The following ZNF30 variants were observed in gnomAD, a reference collection of about 807,000 sequenced individuals.
The protein encoded by ZNF30 is zinc finger protein 30 (KOX 28).
ZNF30 carries 15 observed loss-of-function variants against 13.2 expected under a neutral mutation model. That is an observed-to-expected ratio of 1.13 (90% CI 0.76 to 1.75). The LOEUF is 1.75. Ranked by LOEUF, ZNF30 falls within the 40% of genes most tolerant of loss-of-function variation. The probability of loss-of-function intolerance (pLI) is 0.00; values close to 1 mark genes in which losing one functional copy is unlikely to be tolerated. For missense variants in ZNF30, 726 were observed against 757.0 expected (o/e 0.96, Z 0.48); for synonymous variants, 223 against 256.6 (o/e 0.87, Z 1.25).
At chr19:34,933,807 T>G in intron 4 of ZNF30, 84 bp downstream of exon 4, 1 of 970,982 alleles carries the variant, frequency 1.0e-6, no homozygotes, top group South Asian at 1.4e-5. Context: ...TCTGCAATGT[T>G]TGGAGGTTTC....
At chr19:34,938,771 T>C (rs927115295) in intron 4 of ZNF30, among the ~76,000 whole-genome samples, 1 of 152,102 alleles carries the variant, frequency 6.6e-6, no homozygotes, top group South Asian at 2.1e-4. Context: ...GTTTGGAAAA[T>C]GCCATAGCAG....
chr19:34,931,750 C>A, intron 2 of ZNF30, 93 bp from the exon 3 acceptor site: 1 of 1,289,986 alleles, frequency 7.8e-7, no homozygotes, highest in East Asian at 2.5e-5. Flanking sequence ...AGCTTCCAGC[C>A]TATGTGATTG....
At chr19:34,928,252 T>TATATATATATATATAGATAG (rs1325117057) in intron 1 of ZNF30, among the ~76,000 whole-genome samples, 4 of 56,574 alleles carry the variant, frequency 7.1e-5, no homozygotes, top group Non-Finnish European at 1.2e-4. Flanking sequence ...TATATATATA[T>TATATATATATATATAGATAG]ATAGATAGAT....
intron 4 of ZNF30, among the ~76,000 whole-genome samples, chr19:34,940,667 C>CAAAAAAAAA (rs59553578): frequency 3.1e-5 from 2 of 63,940 alleles, no homozygotes; most frequent in Non-Finnish European, 3.3e-5. Context: ...GACTCCGTCT[C>CAAAAAAAAA]AAAAAAAAAA....
At chr19:34,934,921 A>G (rs1008291694) in intron 4 of ZNF30, among the ~76,000 whole-genome samples, 16 of 152,140 alleles carry the variant, frequency 1.1e-4, no homozygotes, top group Admixed American at 2.6e-4. Flanking sequence ...CCCAGAACTT[A>G]AAGTAAAATA....
Position 34,943,942 on chromosome 19 carries a change from A to G in ZNF30, c.976A>G (p.Thr326Ala). Residue 326 changes from threonine (T) to alanine (A), a missense_variant, in exon 5 of 5, where the codon ACT (threonine) becomes GCT (alanine). Transcript: ENST00000601142. ...ATGTAAGGAGTGTGGGAAGTCCTTCACTGTGTATGGACAGCTTACTCGACA... is the reference window on the plus strand; with the variant it reads ...ATGTAAGGAGTGTGGGAAGTCCTTCGCTGTGTATGGACAGCTTACTCGACA... ...YECKECGKSF[T>A]VYGQLTRHQS... 6.2e-7 allele frequency: 1 copy of G among 1,614,090 alleles called. No homozygotes were observed. Among genetic ancestry groups the G allele is most frequent in the Non-Finnish European group, 8.5e-7 (1 of 1,179,990 alleles).
In ZNF30 at chr19:34,944,290, C is replaced by G. The variant is rs1323406733; in HGVS notation, c.1324C>G (p.Gln442Glu). 6.2e-7 allele frequency: 1 copy of G among 1,613,246 alleles called. No individual in the cohort carries two copies. Among genetic ancestry groups the G allele is most frequent in the Non-Finnish European group, 8.5e-7 (1 of 1,179,856 alleles). The change falls in exon 5 of 5, where the codon CAG (glutamine) becomes GAG (glutamate). Residue 442 changes from glutamine (Q) to glutamate (E), a missense_variant. Coordinates refer to ENST00000601142, the MANE Select transcript of ZNF30 (RefSeq NM_194325.3). ...ECGKAFISRH[Q>E]LTVHQRVHTG... is the part of the protein sequence containing the mutation. ...TGGCAAAGCCTTTATTAGTCGCCAT[C>G]AGCTTACCGTACATCAAAGGGTTCA...
At chr19:34,935,700 G>GTTTTTTTTTTTTTTTT (rs142285130) in intron 4 of ZNF30, among the ~76,000 whole-genome samples, 2 of 84,218 alleles carry the variant, frequency 2.4e-5, no homozygotes, top group East Asian at 3.7e-4. Context: ...GTTGTCTATA[G>GTTTTTTTTTTTTTTTT]TTTTTTTTTT....
At position 34,930,002 on chromosome 19, in the gene ZNF30, T is replaced by C. The variant is rs374392687; in HGVS notation, c.9+46T>C. 2.2e-5 allele frequency: 35 copies of C among 1,576,220 alleles called. No individual in the cohort carries two copies. In the African/African-American group the frequency reaches 4.4e-4, roughly 20 times the overall value. On this transcript the variant is annotated intron_variant, in intron 2 of 4. Transcript: ENST00000601142. ...GAAATATGGGGATTTTTATATTACG[T>C]GGCTATTTTCCTTAATTGACCTGAA...
chr19:34,926,366 A>C (rs1261771037), upstream of ZNF30, among the ~76,000 whole-genome samples: 1 of 152,228 alleles, frequency 6.6e-6, no homozygotes, highest in Non-Finnish European at 1.5e-5. Flanking sequence ...GTATGATGGG[A>C]CAGAAAGATA....
At chr19:34,933,748 G>A in intron 4 of ZNF30, 25 bp downstream of exon 4, 1 of 1,502,938 alleles carries the variant, frequency 6.7e-7, no homozygotes, top group Non-Finnish European at 9.1e-7. Flanking sequence ...GGCAGGTAGG[G>A]AGGCCATTGT....
At chr19:34,929,649 T>TG (rs2012331224) in intron 1 of ZNF30, among the ~76,000 whole-genome samples, 1 of 152,136 alleles carries the variant, frequency 6.6e-6, no homozygotes, top group Admixed American at 6.6e-5. Context: ...ATTCCCAAAA[T>TG]GGGGGCCTGG....
intron 4 of ZNF30, 145 bp from the exon 5 acceptor site, chr19:34,943,077 CT>C (rs11315514): frequency 0.29 from 136,818 of 464,180 alleles, 4,786 homozygotes; most frequent in East Asian, 0.41. Context: ...CTCTGCATTC[CT>C]TTTTTTTTTT....
intron 4 of ZNF30, among the ~76,000 whole-genome samples, chr19:34,938,171 A>G (rs776522900): frequency 2.6e-5 from 4 of 152,176 alleles, no homozygotes; most frequent in Non-Finnish European, 5.9e-5. Context: ...CTGGTCTGGT[A>G]AAAACAGAAT....
In ZNF30 at chr19:34,928,223, ATAT is replaced by A. The variant is rs1568533911; in HGVS notation, c.-65+1008_-65+1010del. On this transcript the variant is annotated intron_variant, in intron 1 of 4. Transcript: ENST00000601142. ...ATCCCTTCTCTAAAAAAAAAAAAAT[ATAT>A]ATATATATATATATATATATATATA... Among the ~76,000 whole-genome samples, 292 of 51,292 alleles carry A rather than the reference ATAT, an allele frequency of 5.7e-3. 1 individual carries two copies. The highest frequency in any genetic ancestry group is 0.034 in the Middle Eastern group (3 of 88). The allele number at this position is 51,292 out of a possible 152,430, so 33.6% of individuals were successfully genotyped here.
intron 4 of ZNF30, among the ~76,000 whole-genome samples, chr19:34,934,444 C>T (rs548977186): frequency 4.6e-5 from 7 of 151,904 alleles, no homozygotes; most frequent in Non-Finnish European, 7.4e-5. Context: ...TTTTAATCTT[C>T]AGTAGAGACA....
At chr19:34,940,038 C>T (rs2012954113) in intron 4 of ZNF30, among the ~76,000 whole-genome samples, 1 of 152,030 alleles carries the variant, frequency 6.6e-6, no homozygotes, top group Non-Finnish European at 1.5e-5. Flanking sequence ...CTTTTGAAGG[C>T]CTTTAAGAAA....
chr19:34,927,248 G>T (rs992439211), intron 1 of ZNF30, 32 bp downstream of exon 1: 3 of 371,058 alleles, frequency 8.1e-6, no homozygotes, highest in Non-Finnish European at 9.6e-6. Context: ...CGAGGATCCC[G>T]GGCCGGCGAG....
upstream of ZNF30, among the ~76,000 whole-genome samples, chr19:34,925,430 C>T (rs1222941349): frequency 6.6e-6 from 1 of 152,212 alleles, no homozygotes; most frequent in African/African-American, 2.4e-5. Flanking sequence ...GCAGCACCGG[C>T]TCTCCTTGGA....
Sources: allele counts gnomAD v4.1 joint callset (sites outside exome capture counted in the v4.1 genomes callset), GRCh38; gene constraint gnomAD v4.1.1; transcripts MANE v1.5; gene names NCBI Gene and HGNC (gene_info 2026-07-23, HGNC 2026-07-21).